Variants in CRISPLD2 observed in about 807,000 individuals in gnomAD.
CRISPLD2 encodes the protein cysteine-rich secretory protein LCCL domain-containing 2.
CRISPLD2 carries 47 observed loss-of-function variants against 71.1 expected under a neutral mutation model. The ratio of observed to expected loss-of-function variants is 0.66; its 90% CI spans 0.52 to 0.84. CRISPLD2 has a LOEUF of 0.84. CRISPLD2 is among the 40% of genes least tolerant of loss of function. CRISPLD2 has a pLI of 0.00. For missense variants in CRISPLD2, 830 were observed against 651.1 expected (o/e 1.27, Z -2.99); for synonymous variants, 317 against 250.1 (o/e 1.27, Z -2.52).
chr16:84,896,379 T>C (rs1343314756), intron 14 of CRISPLD2, among the ~76,000 whole-genome samples: 1 of 151,850 alleles, frequency 6.6e-6, no homozygotes, highest in African/African-American at 2.4e-5. Context: ...AAAAAGACTA[T>C]ATATAGAGAG....
At chr16:84,833,850 C>T (rs960325170) in intron 1 of CRISPLD2, among the ~76,000 whole-genome samples, 2 of 152,186 alleles carry the variant, frequency 1.3e-5, no homozygotes, top group African/African-American at 4.8e-5. Context: ...GGCCCGTGCC[C>T]TGACTCCCCC....
chr16:84,891,423 A>G (rs556550006), intron 14 of CRISPLD2, among the ~76,000 whole-genome samples: 27 of 152,170 alleles, frequency 1.8e-4, no homozygotes, highest in Non-Finnish European at 2.9e-4. Context: ...TGACTCTGCC[A>G]TCGGCAGCCC....
At chr16:84,897,158 T>C (rs914699029) in intron 14 of CRISPLD2, among the ~76,000 whole-genome samples, 25 of 152,292 alleles carry the variant, frequency 1.6e-4, no homozygotes, top group African/African-American at 5.8e-4. Flanking sequence ...AAAGGGCCTT[T>C]CTAGGCCGGG....
chr16:84,859,474 A>G (rs540373081), intron 6 of CRISPLD2, among the ~76,000 whole-genome samples: 57 of 152,288 alleles, frequency 3.7e-4, no homozygotes, highest in African/African-American at 1.3e-3. Flanking sequence ...GAAGTATGGG[A>G]GAAAGATGAA....
At chr16:84,827,301 C>G (rs1916376730) in intron 1 of CRISPLD2, among the ~76,000 whole-genome samples, 1 of 152,130 alleles carries the variant, frequency 6.6e-6, no homozygotes, top group African/African-American at 2.4e-5. Context: ...TTGTGTGTTG[C>G]AAGGCTTTTG....
intron 1 of CRISPLD2, among the ~76,000 whole-genome samples, chr16:84,834,831 G>C (rs1202093026): frequency 6.6e-6 from 1 of 151,896 alleles, no homozygotes; most frequent in African/African-American, 2.4e-5. Context: ...TGCGTGTCTC[G>C]GTCCTAAACT....
intron 5 of CRISPLD2, among the ~76,000 whole-genome samples, chr16:84,854,465 C>A (rs548641378): frequency 6.6e-6 from 1 of 152,138 alleles, no homozygotes; most frequent in East Asian, 1.9e-4. Flanking sequence ...ACGGGGCTGA[C>A]AGCCAGCCAG....
chr16:84,898,560 G>C (rs1311375726), intron 14 of CRISPLD2, among the ~76,000 whole-genome samples: 3 of 152,126 alleles, frequency 2.0e-5, no homozygotes, highest in Non-Finnish European at 4.4e-5. Flanking sequence ...CCACCATCCA[G>C]CCTGCACTTG....
chr16:84,859,602 G>A (rs1482979480), intron 6 of CRISPLD2, among the ~76,000 whole-genome samples: 5 of 152,330 alleles, frequency 3.3e-5, no homozygotes, highest in African/African-American at 4.8e-5. Context: ...TGGAGGGACC[G>A]TGATTCTCTG....
chr16:84,838,383 C>G, intron 1 of CRISPLD2, 39 bp from the exon 2 acceptor site: 2 of 1,335,572 alleles, frequency 1.5e-6, no homozygotes, highest in Non-Finnish European at 2.1e-6. Context: ...CCGGCTCCTA[C>G]TAATGCGACT....
intron 2 of CRISPLD2, among the ~76,000 whole-genome samples, chr16:84,844,578 G>T (rs988904506): frequency 1.3e-5 from 2 of 152,030 alleles, no homozygotes; most frequent in Admixed American, 6.5e-5. Flanking sequence ...GGGCAGGCGG[G>T]TCTCCAACTC....
chr16:84,878,237 A>G (rs1273603780), intron 12 of CRISPLD2, among the ~76,000 whole-genome samples: 3 of 152,124 alleles, frequency 2.0e-5, no homozygotes, highest in African/African-American at 7.2e-5. Context: ...AAAAGAAAAA[A>G]GTACACAATG....
chr16:84,850,739 A>T, intron 5 of CRISPLD2, 56 bp downstream of exon 5: 2 of 1,394,988 alleles, frequency 1.4e-6, no homozygotes, highest in Non-Finnish European at 2.0e-6. Context: ...TTTGCTTGCC[A>T]GGGAGCACCC....
chr16:84,874,248 C>T (rs367966156), intron 11 of CRISPLD2, among the ~76,000 whole-genome samples: 2 of 152,170 alleles, frequency 1.3e-5, no homozygotes, highest in South Asian at 2.1e-4. Flanking sequence ...TGAGAGGTTT[C>T]ACTGGGAGTG....
chr16:84,848,613 G>A (rs1916982250), intron 3 of CRISPLD2, among the ~76,000 whole-genome samples: 1 of 152,162 alleles, frequency 6.6e-6, no homozygotes, highest in Admixed American at 6.5e-5. Context: ...GCTAATTTTT[G>A]TATTTTTAGT....
At chr16:84,837,490 C>T (rs919245222) in intron 1 of CRISPLD2, among the ~76,000 whole-genome samples, 4 of 151,106 alleles carry the variant, frequency 2.6e-5, no homozygotes, top group Non-Finnish European at 5.9e-5. Flanking sequence ...AATCTCGGCT[C>T]ACTGCAAGCT....
At chr16:84,891,656 G>A (rs2071663922) in intron 14 of CRISPLD2, among the ~76,000 whole-genome samples, 1 of 152,212 alleles carries the variant, frequency 6.6e-6, no homozygotes, top group Non-Finnish European at 1.5e-5. Flanking sequence ...GAGCAGCGCA[G>A]CCAGCTGGGA....
At chr16:84,892,873 G>A (rs2071674704) in intron 14 of CRISPLD2, among the ~76,000 whole-genome samples, 1 of 151,200 alleles carries the variant, frequency 6.6e-6, no homozygotes, top group African/African-American at 2.4e-5. Context: ...CTACTCGGGA[G>A]GCTGAGGCAG....
chr16:84,855,132 G>A (rs901773320), intron 6 of CRISPLD2, among the ~76,000 whole-genome samples: 2 of 152,052 alleles, frequency 1.3e-5, no homozygotes, highest in African/African-American at 4.8e-5. Context: ...GCTCACCCTC[G>A]TTAGCATTCA....
Sources: allele counts gnomAD v4.1 joint callset (sites outside exome capture counted in the v4.1 genomes callset), GRCh38; gene constraint gnomAD v4.1.1; transcripts MANE v1.5; gene names NCBI Gene and HGNC (gene_info 2026-07-23, HGNC 2026-07-21).